The following MCTP1 variants were observed in gnomAD, a reference collection of about 807,000 sequenced individuals.
The protein encoded by MCTP1 is multiple C2 and transmembrane domain containing 1.
Under a neutral mutation model 120.6 loss-of-function variants are expected in MCTP1, and 69 were observed. The ratio of observed to expected loss-of-function variants is 0.57; its 90% CI spans 0.47 to 0.70. MCTP1 has a LOEUF of 0.70. Ranked by LOEUF, MCTP1 falls within the 30% of genes least tolerant of loss-of-function variation. The probability of loss-of-function intolerance (pLI) is 0.00; values close to 1 mark genes in which losing one functional copy is unlikely to be tolerated. For synonymous variants in MCTP1, 529 were observed against 493.1 expected (o/e 1.07, Z -0.96); for missense variants, 1,203 against 1,248.8 (o/e 0.96, Z 0.55).
intron 16 of MCTP1, among the ~76,000 whole-genome samples, chr5:94,868,935 T>A (rs1159796567): frequency 6.6e-6 from 1 of 151,930 alleles, no homozygotes; most frequent in African/African-American, 2.4e-5. Flanking sequence ...GTAGAATTCC[T>A]CCCATTCTTA....
chr5:94,826,344 G>T, intron 17 of MCTP1: 1 of 558,214 alleles, frequency 1.8e-6, no homozygotes, highest in Non-Finnish European at 3.3e-6. Context: ...AGGTTCCACT[G>T]AGGATTTGAT....
chr5:95,233,572 GC>G (rs1399522085), intron 1 of MCTP1, among the ~76,000 whole-genome samples: 1 of 151,960 alleles, frequency 6.6e-6, no homozygotes, highest in African/African-American at 2.4e-5. Flanking sequence ...CTCGTGATCC[GC>G]CCGCCTCGGC....
chr5:94,910,188 G>A (rs1808118086), intron 9 of MCTP1, among the ~76,000 whole-genome samples: 1 of 145,746 alleles, frequency 6.9e-6, no homozygotes, highest in South Asian at 2.2e-4. Flanking sequence ...ATGTATGTGT[G>A]CATACATATA....
intron 1 of MCTP1, among the ~76,000 whole-genome samples, chr5:95,121,975 C>G (rs1456718733): frequency 6.7e-6 from 1 of 149,942 alleles, no homozygotes; most frequent in Non-Finnish European, 1.5e-5. Context: ...ACTCCTATCT[C>G]TCACCATATA....
chr5:94,971,727 G>A (rs1373353793), intron 2 of MCTP1, among the ~76,000 whole-genome samples: 1 of 152,146 alleles, frequency 6.6e-6, no homozygotes, highest in Non-Finnish European at 1.5e-5. Context: ...GGAGACTTGA[G>A]TTCCAAAATC....
At chr5:95,102,414 T>C (rs1309277390) in intron 1 of MCTP1, among the ~76,000 whole-genome samples, 2 of 152,240 alleles carry the variant, frequency 1.3e-5, no homozygotes, top group African/African-American at 4.8e-5. Context: ...CTATGAGCTA[T>C]ATCAATGGCT....
intron 7 of MCTP1, among the ~76,000 whole-genome samples, chr5:94,920,408 G>A (rs922101772): frequency 1.3e-5 from 2 of 151,986 alleles, no homozygotes; most frequent in South Asian, 2.1e-4. Context: ...GTTGTTTAGC[G>A]TGTAAGTGCT....
intron 5 of MCTP1, 62 bp from the exon 6 acceptor site, chr5:94,932,053 T>C (rs1320011677): frequency 1.7e-6 from 2 of 1,206,354 alleles, no homozygotes; most frequent in African/African-American, 1.5e-5. Context: ...GGGCAGCCAG[T>C]TGTTTTTTAG....
intron 18 of MCTP1, among the ~76,000 whole-genome samples, chr5:94,798,278 G>A (rs1267237889): frequency 6.6e-6 from 1 of 152,102 alleles, no homozygotes; most frequent in Non-Finnish European, 1.5e-5. Context: ...GCTTGCTAGG[G>A]TCATAGTGAT....
intron 1 of MCTP1, among the ~76,000 whole-genome samples, chr5:95,230,806 A>G (rs373239046): frequency 1.7e-4 from 26 of 152,236 alleles, no homozygotes; most frequent in African/African-American, 5.8e-4. Flanking sequence ...GTGAATTGAC[A>G]CTGACAGCTG....
intron 3 of MCTP1, among the ~76,000 whole-genome samples, chr5:94,949,552 AT>A (rs1274273305): frequency 4.6e-5 from 7 of 151,536 alleles, no homozygotes; most frequent in Non-Finnish European, 1.0e-4. Flanking sequence ...CAGTTCCAAG[AT>A]TTTTTTAAAA....
intron 2 of MCTP1, among the ~76,000 whole-genome samples, chr5:94,994,230 G>A (rs1289035658): frequency 6.6e-6 from 1 of 152,210 alleles, no homozygotes; most frequent in African/African-American, 2.4e-5. Flanking sequence ...CTGAAGGCCT[G>A]AGTGAGGCTG....
chr5:95,205,115 A>T (rs1751477261), intron 1 of MCTP1, among the ~76,000 whole-genome samples: 1 of 152,194 alleles, frequency 6.6e-6, no homozygotes, highest in African/African-American at 2.4e-5. Flanking sequence ...AGTAAACAAG[A>T]TAATGTAGTA....
intron 19 of MCTP1, among the ~76,000 whole-genome samples, chr5:94,736,507 T>C (rs1253918542): frequency 6.6e-6 from 1 of 152,066 alleles, no homozygotes; most frequent in Admixed American, 6.5e-5. Flanking sequence ...TTGGGGGGGA[T>C]CCTTTTGTGA....
At chr5:95,058,656 A>C (rs1748080204) in intron 1 of MCTP1, among the ~76,000 whole-genome samples, 2 of 152,236 alleles carry the variant, frequency 1.3e-5, no homozygotes, top group Non-Finnish European at 2.9e-5. Flanking sequence ...TGAAAAAATA[A>C]ATGGAAGAGG....
chr5:95,172,030 C>A (rs992701881), intron 1 of MCTP1, among the ~76,000 whole-genome samples: 2 of 152,114 alleles, frequency 1.3e-5, no homozygotes, highest in Non-Finnish European at 2.9e-5. Flanking sequence ...TTTTCCCCAT[C>A]TTTGTAGTTT....
intron 1 of MCTP1, among the ~76,000 whole-genome samples, chr5:95,134,894 A>G (rs1487417864): frequency 7.0e-6 from 1 of 143,716 alleles, no homozygotes; most frequent in Non-Finnish European, 1.5e-5. Context: ...ACTGTTTTTG[A>G]CCAAATAATA....
chr5:94,941,684 ATT>A (rs1026463792), intron 4 of MCTP1, among the ~76,000 whole-genome samples: 10 of 151,946 alleles, frequency 6.6e-5, no homozygotes, highest in Non-Finnish European at 1.5e-4. Flanking sequence ...TTCTAATGGT[ATT>A]TTTTTATTCT....
At chr5:95,220,341 T>G (rs965844150) in intron 1 of MCTP1, among the ~76,000 whole-genome samples, 1 of 151,924 alleles carries the variant, frequency 6.6e-6, no homozygotes, top group African/African-American at 2.4e-5. Flanking sequence ...CTTCCTTTTT[T>G]TTTTTTTTAC....
Sources: allele counts gnomAD v4.1 joint callset (sites outside exome capture counted in the v4.1 genomes callset), GRCh38; gene constraint gnomAD v4.1.1; transcripts MANE v1.5; gene names NCBI Gene and HGNC (gene_info 2026-07-23, HGNC 2026-07-21).